SLIT3: variants seen among roughly 807,000 people sequenced by gnomAD.
SLIT3 encodes slit homolog 3 protein.
SLIT3 carries 68 observed loss-of-function variants against 184.0 expected under a neutral mutation model. The ratio of observed to expected loss-of-function variants is 0.37; its 90% CI spans 0.30 to 0.45. The LOEUF is 0.45. Ranked by LOEUF, SLIT3 falls within the 20% of genes least tolerant of loss-of-function variation. SLIT3 has a pLI of 1.00. For missense variants in SLIT3, 1,707 were observed against 2,026.0 expected (o/e 0.84, Z 3.02); for synonymous variants, 831 against 828.6 (o/e 1.00, Z -0.05).
chr5:168,778,318 G>A (rs1323780856), intron 12 of SLIT3, among the ~76,000 whole-genome samples: 3 of 152,220 alleles, frequency 2.0e-5, no homozygotes, highest in South Asian at 4.1e-4. Context: ...AGCAATAAGC[G>A]AAGCTCCAGC....
chr5:169,009,853 G>A (rs1481086195), intron 4 of SLIT3, among the ~76,000 whole-genome samples: 2 of 152,180 alleles, frequency 1.3e-5, no homozygotes, highest in African/African-American at 4.8e-5. Flanking sequence ...TTTAATGATG[G>A]CTGGAACATA....
In SLIT3 at chr5:169,204,961, G is replaced by A. The variant is rs77230330; in HGVS notation, c.342-11411C>T. 2.0e-5 allele frequency among the ~76,000 whole-genome samples: 3 copies of A among 152,184 alleles called. No homozygotes were observed. In the East Asian group the frequency reaches 5.8e-4, roughly 29 times the overall value. ...AGCAACATTCAAGTCCCCTGGGTGA[G>A]AGGGTGCAAACAATAGAAGGCTGAA... On this transcript the variant is annotated intron_variant, in intron 3 of 35. Coordinates refer to ENST00000519560, the MANE Select transcript of SLIT3 (RefSeq NM_003062.4).
chr5:168,802,850 T>C (rs1756817303), intron 9 of SLIT3, among the ~76,000 whole-genome samples: 1 of 152,244 alleles, frequency 6.6e-6, no homozygotes, highest in South Asian at 2.1e-4. Context: ...ACTATATTCG[T>C]TCACCTAACT....
At position 169,209,837 on chromosome 5, in the gene SLIT3, C is replaced by G. The variant is rs143579176; in HGVS notation, c.342-16287G>C. Among the ~76,000 whole-genome samples the G allele has an allele frequency of 1.1e-4, 17 of 152,134 alleles. No individual in the cohort carries two copies. In the East Asian group the frequency reaches 3.3e-3, roughly 30 times the overall value. ...GGAGGGATAGCATTAAGAGAAATAC[C>G]CAATGTAGAAGATGGTTTGACGGGG... is the stretch of plus-strand genomic sequence containing the variant. On this transcript the variant is annotated intron_variant, in intron 3 of 35. Transcript: ENST00000519560.
chr5:168,823,497 A>G (rs879784717), intron 6 of SLIT3, among the ~76,000 whole-genome samples, 166 bp from the exon 7 acceptor site: 1 of 152,146 alleles, frequency 6.6e-6, no homozygotes, highest in Admixed American at 6.5e-5. Flanking sequence ...TCTCCAGACG[A>G]GAAGAGCATG....
intron 4 of SLIT3, among the ~76,000 whole-genome samples, chr5:169,102,321 A>G (rs1312094317): frequency 6.6e-6 from 1 of 152,202 alleles, no homozygotes; most frequent in African/African-American, 2.4e-5. Context: ...TTTTTGGATT[A>G]TATATATCCA....
chr5:169,290,112 CG>C (rs1767294703), intron 1 of SLIT3, among the ~76,000 whole-genome samples: 1 of 141,340 alleles, frequency 7.1e-6, no homozygotes, highest in Non-Finnish European at 1.6e-5. Flanking sequence ...GGCACACACT[CG>C]GGGATGCACT....
At position 168,761,485 on chromosome 5, in the gene SLIT3, T is replaced by G. The variant is rs139556302; in HGVS notation, c.1611-549A>C. ...AAGACCACTACCACTCATCCAGGGCTTACTCTGTGCCAGGATTCAAGATGA... is the reference window on the plus strand; with the variant it reads ...AAGACCACTACCACTCATCCAGGGCGTACTCTGTGCCAGGATTCAAGATGA... On this transcript the variant is annotated intron_variant, in intron 15 of 35. Transcript: ENST00000519560. Among the ~76,000 whole-genome samples, 106 of 152,280 alleles carry G rather than the reference T, an allele frequency of 7.0e-4. 2 individuals are homozygous for G. The South Asian group carries it at 0.018, about 26-fold the overall frequency.
At chr5:169,027,551 C>T (rs1052170116) in intron 4 of SLIT3, among the ~76,000 whole-genome samples, 20 of 152,156 alleles carry the variant, frequency 1.3e-4, no homozygotes, top group Non-Finnish European at 1.5e-5. Context: ...ATGACTTGCT[C>T]CACTCCAATC....
At chr5:169,151,934 G>A (rs1370158248) in intron 4 of SLIT3, among the ~76,000 whole-genome samples, 1 of 152,212 alleles carries the variant, frequency 6.6e-6, no homozygotes, top group African/African-American at 2.4e-5. Flanking sequence ...CCTATGAAAT[G>A]AGGATGATCA....
intron 4 of SLIT3, among the ~76,000 whole-genome samples, chr5:169,131,503 G>C (rs1254946708): frequency 6.6e-6 from 1 of 152,176 alleles, no homozygotes; most frequent in East Asian, 1.9e-4. Context: ...TTGTCCCACT[G>C]AGCCCTAAGT....
rs528493873 is a variant in SLIT3 at position 168,773,464 on chromosome 5, G to A, written c.1296-520C>T. Among the ~76,000 whole-genome samples, 70 of 152,196 alleles carry A rather than the reference G, an allele frequency of 4.6e-4. 2 individuals are homozygous for A. Among genetic ancestry groups the A allele is most frequent in the South Asian group, 4.1e-4 (2 of 4,820 alleles). On this transcript the variant is annotated intron_variant, in intron 13 of 35. Transcript: ENST00000519560. ...TCAGTAAGAAAAACTGTGAAGCACC[G>A]AACACAGTGTTTGGCACGTGGTCGG...
chr5:168,912,078 C>T (rs944587821), intron 4 of SLIT3, among the ~76,000 whole-genome samples: 1 of 152,194 alleles, frequency 6.6e-6, no homozygotes, highest in African/African-American at 2.4e-5. Context: ...CTTCCTCCTG[C>T]TCAGCCTACT....
At chr5:168,861,202 A>G (rs188291906) in intron 5 of SLIT3, among the ~76,000 whole-genome samples, 2,446 of 152,138 alleles carry the variant, frequency 0.016, 31 homozygotes, top group Middle Eastern at 0.041. Context: ...GGTGTGCTGC[A>G]CCCATTAACT....
At chr5:168,789,938 A>G (rs947457065) in intron 10 of SLIT3, 7 of 317,836 alleles carry the variant, frequency 2.2e-5, no homozygotes, top group African/African-American at 1.1e-4. Flanking sequence ...AATTGAGCCC[A>G]GTCAAATTAG....
At chr5:169,060,210 T>C (rs1386999350) in intron 4 of SLIT3, among the ~76,000 whole-genome samples, 1 of 152,150 alleles carries the variant, frequency 6.6e-6, no homozygotes, top group Non-Finnish European at 1.5e-5. Context: ...GTCAACACGG[T>C]GAAACCCTGT....
chr5:168,994,894 G>C (rs1755460514), intron 4 of SLIT3, among the ~76,000 whole-genome samples: 1 of 151,844 alleles, frequency 6.6e-6, no homozygotes, highest in Non-Finnish European at 1.5e-5. Flanking sequence ...CACCCACCTT[G>C]GCCTCCCAAA....
Position 168,935,519 on chromosome 5 carries a change from G to A in SLIT3, c.414-52183C>T, listed in dbSNP as rs146035211. On this transcript the variant is annotated intron_variant, in intron 4 of 35. Transcript: ENST00000519560. The stretch of plus-strand genomic sequence containing the variant: ...TTGTTTCAGTGTGTTCATTCATTCC[G>A]TTAATTATACCATAGCACCTCAATA... Among the ~76,000 whole-genome samples, 809 of 152,260 alleles carry A rather than the reference G, an allele frequency of 5.3e-3. 17 individuals are homozygous for A. The highest frequency in any genetic ancestry group is 4.0e-3 in the Non-Finnish European group (274 of 68,022).
chr5:169,204,061 A>G (rs1763987216), intron 3 of SLIT3, among the ~76,000 whole-genome samples: 1 of 152,142 alleles, frequency 6.6e-6, no homozygotes, highest in African/African-American at 2.4e-5. Context: ...AGACAAGGCA[A>G]GAGGAGTGTG....
Sources: allele counts gnomAD v4.1 joint callset (sites outside exome capture counted in the v4.1 genomes callset), GRCh38; gene constraint gnomAD v4.1.1; transcripts MANE v1.5; gene names NCBI Gene and HGNC (gene_info 2026-07-23, HGNC 2026-07-21).